RSPRY1: variants seen among roughly 807,000 people sequenced by gnomAD.
RSPRY1 encodes the protein ring finger and SPRY domain containing 1, also known as RING finger and SPRY domain-containing protein 1.
In RSPRY1, 23 loss-of-function variants were observed where a neutral mutation model predicts 73.1. That is an observed-to-expected ratio of 0.31 (90% CI 0.23 to 0.45). The LOEUF is 0.45. RSPRY1 is among the 20% of genes least tolerant of loss of function. RSPRY1 has a pLI of 1.00. For missense variants in RSPRY1, 448 were observed against 698.7 expected (o/e 0.64, Z 4.05); for synonymous variants, 226 against 251.4 (o/e 0.90, Z 0.95).
Position 57,230,585 on chromosome 16 carries a change from T to C in RSPRY1, c.1274-126T>C. ...GATCAGTTACAGAAGAAACAAAAAT[T>C]AACATGTTGAATGCATAGCTAAAGA... On this transcript the variant is annotated intron_variant, in intron 11 of 14. Coordinates refer to ENST00000394420, the MANE Select transcript of RSPRY1 (RefSeq NM_133368.3). 3 of 528,912 alleles carry C rather than the reference T, an allele frequency of 5.7e-6. 1 individual carries two copies. The South Asian group carries it at 9.4e-5, about 16-fold the overall frequency. The allele number at this position is 528,912 out of a possible 1,614,324, so 32.8% of individuals were successfully genotyped here. A position where few individuals can be genotyped will look rare whatever the true frequency, so the allele number is the denominator to read the frequency against.
intron 4 of RSPRY1, among the ~76,000 whole-genome samples, chr16:57,212,431 G>A (rs568536756): frequency 1.3e-5 from 2 of 152,172 alleles, no homozygotes; most frequent in African/African-American, 4.8e-5. Context: ...GGTTTAATCT[G>A]TTTAGTGATT....
chr16:57,192,160 G>A (rs1340414587), intron 1 of RSPRY1, among the ~76,000 whole-genome samples: 1 of 152,120 alleles, frequency 6.6e-6, no homozygotes, highest in African/African-American at 2.4e-5. Context: ...CAGTATGAGT[G>A]TTTTAGACAT....
chr16:57,228,798 T>C (rs1429421708), intron 11 of RSPRY1, among the ~76,000 whole-genome samples: 1 of 152,218 alleles, frequency 6.6e-6, no homozygotes, highest in Admixed American at 6.5e-5. Context: ...GCACAATCCA[T>C]CCTCCCACCT....
intron 1 of RSPRY1, among the ~76,000 whole-genome samples, chr16:57,201,150 C>T (rs1313762869): frequency 6.6e-6 from 1 of 151,520 alleles, no homozygotes; most frequent in Admixed American, 6.6e-5. Context: ...AGGGGCTCCT[C>T]ACTTCTCAGA....
chr16:57,236,448 A>T (rs1184106910), intron 14 of RSPRY1, among the ~76,000 whole-genome samples: 1 of 152,214 alleles, frequency 6.6e-6, no homozygotes, highest in Admixed American at 6.5e-5. Context: ...CAGCAACAAC[A>T]ATTTTAAAAG....
intron 1 of RSPRY1, among the ~76,000 whole-genome samples, chr16:57,188,960 CTA>C (rs751680836): frequency 9.2e-5 from 13 of 141,386 alleles, no homozygotes; most frequent in Non-Finnish European, 1.8e-4. Flanking sequence ...TAATGTCTTT[CTA>C]TGTTATGCTT....
chr16:57,222,245 TGG>T (rs2075050305), intron 10 of RSPRY1, among the ~76,000 whole-genome samples: 4 of 152,152 alleles, frequency 2.6e-5, no homozygotes, highest in Admixed American at 2.6e-4. Flanking sequence ...GCCATAAGTA[TGG>T]TGAGGTTTTC....
intron 1 of RSPRY1, among the ~76,000 whole-genome samples, chr16:57,189,881 A>G (rs1211645234): frequency 6.6e-6 from 1 of 151,904 alleles, no homozygotes; most frequent in Non-Finnish European, 1.5e-5. Context: ...GTGAGCCACC[A>G]TGCCTGGCCT....
intron 13 of RSPRY1, among the ~76,000 whole-genome samples, chr16:57,232,837 G>A (rs865778542): frequency 6.6e-6 from 1 of 152,120 alleles, no homozygotes; most frequent in Non-Finnish European, 1.5e-5. Flanking sequence ...AAGAACAGCT[G>A]AATTCCAAGC....
At chr16:57,238,053 C>A (rs759258068) in intron 14 of RSPRY1, among the ~76,000 whole-genome samples, 2 of 151,868 alleles carry the variant, frequency 1.3e-5, no homozygotes, top group African/African-American at 2.4e-5. Flanking sequence ...ATAATAGCAG[C>A]CAGTTAGAAC....
chr16:57,187,430 G>C (rs1438316353), intron 1 of RSPRY1, among the ~76,000 whole-genome samples: 1 of 152,166 alleles, frequency 6.6e-6, no homozygotes. Context: ...AACTTTGAAG[G>C]GTTAGAAGTG....
intron 1 of RSPRY1, among the ~76,000 whole-genome samples, chr16:57,202,648 T>C (rs1356235842): frequency 1.3e-5 from 2 of 152,082 alleles, no homozygotes; most frequent in African/African-American, 4.8e-5. Flanking sequence ...TTCAGTCACA[T>C]CCTTTTCAGT....
chr16:57,234,140 A>T (rs1488888474), intron 13 of RSPRY1, among the ~76,000 whole-genome samples: 1 of 152,002 alleles, frequency 6.6e-6, no homozygotes, highest in East Asian at 1.9e-4. Flanking sequence ...ATGCTCCTTC[A>T]GCCACCCTGG....
rs372347740 is a variant in RSPRY1 at position 57,199,059 on chromosome 16, A to G, written c.-155-5445A>G. Among the ~76,000 whole-genome samples, 8 of 152,370 alleles carry G rather than the reference A, an allele frequency of 5.3e-5. No homozygotes were observed. The East Asian group carries it at 1.3e-3, about 26-fold the overall frequency. Reference sequence around the variant, plus strand: ...ACAAGTTTTTATAGCATAGTGGTCAAGAAATTATGATAATACAGAGTATGA... The same window carrying G: ...ACAAGTTTTTATAGCATAGTGGTCAGGAAATTATGATAATACAGAGTATGA... On this transcript the variant is annotated intron_variant, in intron 1 of 14. Coordinates refer to ENST00000394420, the MANE Select transcript of RSPRY1 (RefSeq NM_133368.3).
At chr16:57,218,105 C>T (rs919914799) in intron 8 of RSPRY1, among the ~76,000 whole-genome samples, 4 of 152,134 alleles carry the variant, frequency 2.6e-5, no homozygotes, top group African/African-American at 9.7e-5. Flanking sequence ...GTAGCACTAA[C>T]TTATTTGTTT....
chr16:57,213,965 CTATT>C lies in RSPRY1; in HGVS notation c.702+24_702+27del, dbSNP rs201221888. ...GTGTCTGGTAAGTGAGACATCAAAACTATTTATTCTTAGTCATCTAGAAGTGGGC... is the reference window on the plus strand; with the variant it reads ...GTGTCTGGTAAGTGAGACATCAAAACTATTCTTAGTCATCTAGAAGTGGGC... On this transcript the variant is annotated intron_variant, in intron 6 of 14. Transcript: ENST00000394420. 2,057 of 1,556,570 alleles carry C rather than the reference CTATT, an allele frequency of 1.3e-3. 21 individuals are homozygous for C. The African/African-American group carries it at 0.025, about 19-fold the overall frequency.
At chr16:57,218,354 T>A (rs2074974071) in intron 8 of RSPRY1, among the ~76,000 whole-genome samples, 1 of 152,194 alleles carries the variant, frequency 6.6e-6, no homozygotes, top group African/African-American at 2.4e-5. Context: ...TGTTTTGCAC[T>A]TTTCTTTTAG....
intron 1 of RSPRY1, among the ~76,000 whole-genome samples, chr16:57,189,435 G>A (rs374205065): frequency 1.3e-5 from 2 of 151,452 alleles, no homozygotes; most frequent in South Asian, 2.1e-4. Context: ...GTATAATAGT[G>A]TGTTAATCTG....
At chr16:57,216,861 T>C (rs1351479533) in intron 7 of RSPRY1, 43 bp from the exon 8 acceptor site, 17 of 1,589,566 alleles carry the variant, frequency 1.1e-5, no homozygotes, top group Non-Finnish European at 1.5e-5. Flanking sequence ...CAAATCATTC[T>C]ACCCTTTCAT....
Sources: gnomAD v4.1 joint callset for allele counts (sites outside exome capture counted in the v4.1 genomes callset) on GRCh38, gnomAD v4.1.1 for gene constraint, MANE v1.5 for transcripts, NCBI Gene and HGNC (gene_info 2026-07-23, HGNC 2026-07-21) for gene names.